UBA6: variants seen among roughly 807,000 people sequenced by gnomAD.
The protein encoded by UBA6 is ubiquitin like modifier activating enzyme 6, also known as ubiquitin-like modifier-activating enzyme 6.
In UBA6, 87 loss-of-function variants were observed where a neutral mutation model predicts 148.3. The observed-to-expected ratio is 0.59, with a 90% CI of 0.49 to 0.70. UBA6 has a LOEUF of 0.70. Ranked by LOEUF, UBA6 falls within the 30% of genes least tolerant of loss-of-function variation. UBA6 has a pLI of 0.00. For synonymous variants in UBA6, 376 were observed against 401.0 expected, an observed-to-expected ratio of 0.94 and a Z score of 0.75; for missense variants, 1,186 against 1,241.2, an observed-to-expected ratio of 0.96 and a Z score of 0.67.
chr4:67,672,773 C>A (rs72642380), intron 7 of UBA6, among the ~76,000 whole-genome samples: 5 of 151,934 alleles, frequency 3.3e-5, no homozygotes, highest in African/African-American at 1.2e-4. Flanking sequence ...CTTTGAATGC[C>A]TTCCCCCAGA....
At chr4:67,631,019 T>C (rs1022007329) in intron 25 of UBA6, among the ~76,000 whole-genome samples, 14 of 152,172 alleles carry the variant, frequency 9.2e-5, no homozygotes, top group Non-Finnish European at 1.8e-4. Context: ...AGCATAGAGT[T>C]ATCTGCTGAA....
intron 12 of UBA6, 43 bp from the exon 13 acceptor site, chr4:67,662,298 T>G (rs367723525): frequency 2.2e-4 from 342 of 1,559,982 alleles, no homozygotes; most frequent in Admixed American, 1.0e-3. Flanking sequence ...TTTTCTCAAC[T>G]GCCATAAACA....
chr4:67,616,363 A>G lies in UBA6; in HGVS notation c.*2634T>C. On this transcript the variant is annotated 3_prime_UTR_variant, in exon 33 of 33. Transcript: ENST00000322244. ...AACAATTTTCTATCTTCATTTTACTAATTATAAAATAAACATAGTTGCTTT... is the reference window on the plus strand; with the variant it reads ...AACAATTTTCTATCTTCATTTTACTGATTATAAAATAAACATAGTTGCTTT... 2.8e-6 allele frequency: 1 copy of G among 358,038 alleles called. No homozygotes were observed. The highest frequency in any genetic ancestry group is 1.5e-4 in the South Asian group (1 of 6,690). The allele number at this position is 358,038 out of a possible 1,614,324, so 22.2% of individuals were successfully genotyped here. A position where few individuals can be genotyped will look rare whatever the true frequency, so the allele number is the denominator to read the frequency against.
intron 3 of UBA6, 34 bp from the exon 4 acceptor site, chr4:67,681,625 A>G (rs1238145743): frequency 5.3e-6 from 8 of 1,514,378 alleles, no homozygotes; most frequent in Non-Finnish European, 7.2e-6. Flanking sequence ...ATAGCTCAAT[A>G]TTGGGAATAC....
At position 67,625,205 on chromosome 4, in the gene UBA6, A is replaced by C; in HGVS notation, c.2519-18T>G. 1 of 1,569,348 alleles carries C rather than the reference A, an allele frequency of 6.4e-7. No individual in the cohort carries two copies. The highest frequency in any genetic ancestry group is 8.7e-7 in the Non-Finnish European group (1 of 1,153,430). ...AAGGTCACCTGATTATACCAACCAGATAAACAAAGTTCCACAGCAAGCAGT... is the reference window on the plus strand; with the variant it reads ...AAGGTCACCTGATTATACCAACCAGCTAAACAAAGTTCCACAGCAAGCAGT... On this transcript the variant is annotated intron_variant, in intron 28 of 32. Coordinates refer to ENST00000322244, the MANE Select transcript of UBA6 (RefSeq NM_018227.6).
In UBA6 at chr4:67,612,743, T is replaced by G. The variant is rs1473306045; in HGVS notation, c.*6254A>C. On this transcript the variant is annotated 3_prime_UTR_variant, in exon 33 of 33. Transcript: ENST00000322244. ...TTTACACATAATCAACAGGAAATAATGTGGGCTAAGTAATTTGGATTAACA... is the reference window on the plus strand; with the variant it reads ...TTTACACATAATCAACAGGAAATAAGGTGGGCTAAGTAATTTGGATTAACA... 6.6e-6 allele frequency: 1 copy of G among 152,176 alleles called. No homozygotes were observed. The highest frequency in any genetic ancestry group is 1.5e-5 in the Non-Finnish European group (1 of 68,034). The allele number at this position is 152,176 out of a possible 1,614,324, so 9.4% of individuals were successfully genotyped here. A position where few individuals can be genotyped will look rare whatever the true frequency, so the allele number is the denominator to read the frequency against.
At chr4:67,636,159 A>C (rs1047031592) in intron 19 of UBA6, among the ~76,000 whole-genome samples, 1 of 152,178 alleles carries the variant, frequency 6.6e-6, no homozygotes, top group African/African-American at 2.4e-5. Flanking sequence ...AAATGACATC[A>C]TATGTTGGGC....
chr4:67,637,124 C>T (rs1226381185), intron 19 of UBA6, among the ~76,000 whole-genome samples: 2 of 152,008 alleles, frequency 1.3e-5, no homozygotes, highest in African/African-American at 2.4e-5. Flanking sequence ...AGCAGCCACC[C>T]CGTCTGGGAA....
chr4:67,648,066 C>T (rs1252018358), intron 14 of UBA6, among the ~76,000 whole-genome samples: 10 of 151,828 alleles, frequency 6.6e-5, no homozygotes, highest in African/African-American at 2.4e-4. Context: ...AGCCACTGCG[C>T]CTGCCTTAAC....
At chr4:67,648,845 T>C (rs1366748970) in intron 14 of UBA6, among the ~76,000 whole-genome samples, 1 of 152,146 alleles carries the variant, frequency 6.6e-6, no homozygotes, top group Admixed American at 6.5e-5. Flanking sequence ...CTAAGGGAAA[T>C]ATATTTGAGA....
intron 13 of UBA6, among the ~76,000 whole-genome samples, chr4:67,650,387 T>C (rs1011894139): frequency 6.6e-6 from 1 of 152,184 alleles, no homozygotes; most frequent in Non-Finnish European, 1.5e-5. Context: ...TATAGGTTTA[T>C]TCTCAGCATT....
At chr4:67,656,880 A>G (rs1333189430) in intron 13 of UBA6, among the ~76,000 whole-genome samples, 1 of 152,190 alleles carries the variant, frequency 6.6e-6, no homozygotes, top group Non-Finnish European at 1.5e-5. Flanking sequence ...ATTCCTATAC[A>G]CCAATTATAG....
In UBA6 at chr4:67,616,277, A is replaced by G; in HGVS notation, c.*2720T>C. ...TTAGATATTTGCAATCACAATGAAT[A>G]TTCATTATAGTGGAAAGATTTAGGT... On this transcript the variant is annotated 3_prime_UTR_variant, in exon 33 of 33. Coordinates refer to ENST00000322244, the MANE Select transcript of UBA6 (RefSeq NM_018227.6). 2.6e-6 allele frequency: 1 copy of G among 388,556 alleles called. No homozygotes were observed. Among genetic ancestry groups the G allele is most frequent in the Non-Finnish European group, 4.6e-6 (1 of 219,604 alleles). The allele number at this position is 388,556 out of a possible 1,614,324, so 24.1% of individuals were successfully genotyped here. A position where few individuals can be genotyped will look rare whatever the true frequency, so the allele number is the denominator to read the frequency against.
intron 21 of UBA6, 48 bp from the exon 22 acceptor site, chr4:67,634,370 A>T (rs756541778): frequency 3.8e-6 from 6 of 1,560,480 alleles, no homozygotes; most frequent in Non-Finnish European, 5.2e-6. Context: ...AGTCTGTTTA[A>T]AGTCAGAAAT....
chr4:67,663,838 A>G (rs1412734393), intron 11 of UBA6, 47 bp downstream of exon 11: 2 of 1,497,738 alleles, frequency 1.3e-6, no homozygotes. Flanking sequence ...ACTAATTCTC[A>G]TCTCTGATTC....
chr4:67,680,089 G>T (rs551476658), intron 4 of UBA6, among the ~76,000 whole-genome samples: 1 of 152,122 alleles, frequency 6.6e-6, no homozygotes. Flanking sequence ...TTGAAAACTG[G>T]TAAGTTAATG....
intron 4 of UBA6, 32 bp from the exon 5 acceptor site, chr4:67,678,565 CAGG>C: frequency 7.3e-7 from 1 of 1,371,806 alleles, no homozygotes; most frequent in Non-Finnish European, 1.0e-6. Flanking sequence ...TGGTTGAAGT[CAGG>C]AGTTCAAGGA....
Position 67,623,144 on chromosome 4 carries a change from A to C in UBA6, c.2919T>G (p.Asn973Lys). 4 of 1,611,718 alleles carry C rather than the reference A, an allele frequency of 2.5e-6. No individual in the cohort carries two copies. Among genetic ancestry groups the C allele is most frequent in the Non-Finnish European group, 3.4e-6 (4 of 1,178,360 alleles). ...KEDFTLLDFI[N>K]AVKEKYGIEP... is the part of the protein sequence containing the mutation. ...AACAAAAGTATCTCACTTTGACTGC[A>C]TTTATGAAATCCAAGAGGGTGAAAT... Residue 973 changes from asparagine (N) to lysine (K), a missense_variant, in exon 31 of 33, where the codon AAT (asparagine) becomes AAG (lysine). Physicochemically the swap from Asn to Lys is moderately conservative, Grantham distance 94 (BLOSUM62 0). Coordinates refer to ENST00000322244, the MANE Select transcript of UBA6 (RefSeq NM_018227.6).
intron 25 of UBA6, among the ~76,000 whole-genome samples, chr4:67,630,759 T>C (rs540432704): frequency 1.3e-5 from 2 of 152,154 alleles, no homozygotes; most frequent in East Asian, 3.9e-4. Flanking sequence ...CAAAAACACT[T>C]AACATTCAGG....
Sources: allele counts gnomAD v4.1 joint callset (sites outside exome capture counted in the v4.1 genomes callset), GRCh38; gene constraint gnomAD v4.1.1; transcripts MANE v1.5; gene names NCBI Gene and HGNC (gene_info 2026-07-23, HGNC 2026-07-21).